ATP9A: variants seen among roughly 807,000 people sequenced by gnomAD.
The protein encoded by ATP9A is probable phospholipid-transporting ATPase IIA.
Under a neutral mutation model 144.1 loss-of-function variants are expected in ATP9A, and 52 were observed. That is an observed-to-expected ratio of 0.36 (90% CI 0.29 to 0.45). The LOEUF is 0.45. Among genes scored for constraint, ATP9A ranks in the 20% least tolerant of loss-of-function variants. ATP9A has a pLI of 1.00. For synonymous variants in ATP9A, 582 were observed against 557.4 expected (o/e 1.04, Z -0.62); for missense variants, 947 against 1,392.7 (o/e 0.68, Z 5.09).
intron 13 of ATP9A, among the ~76,000 whole-genome samples, chr20:51,663,386 A>G (rs1050001304): frequency 6.6e-6 from 1 of 152,134 alleles, no homozygotes; most frequent in African/African-American, 2.4e-5. Flanking sequence ...GCTTGGCCGT[A>G]TGATTTATTT....
intron 4 of ATP9A, among the ~76,000 whole-genome samples, chr20:51,703,489 C>T (rs1010228083): frequency 6.6e-6 from 1 of 152,198 alleles, no homozygotes. Flanking sequence ...TTTCAGCTTT[C>T]GCCACTTCAC....
intron 2 of ATP9A, among the ~76,000 whole-genome samples, chr20:51,728,857 T>C (rs1458932330): frequency 2.0e-5 from 3 of 152,204 alleles, no homozygotes; most frequent in South Asian, 4.1e-4. Flanking sequence ...TACCATTATG[T>C]TCCTTTCTGC....
At chr20:51,760,817 G>T (rs548359468) in intron 1 of ATP9A, among the ~76,000 whole-genome samples, 2 of 151,506 alleles carry the variant, frequency 1.3e-5, no homozygotes, top group East Asian at 3.9e-4. Context: ...AAAGTCAAGA[G>T]ATCAAGACCA....
chr20:51,616,350 GCT>G (rs56977389), intron 22 of ATP9A, among the ~76,000 whole-genome samples: 43,615 of 151,798 alleles, frequency 0.29, 6,441 homozygotes, highest in Non-Finnish European at 0.33. Flanking sequence ...ATGGAGTTTT[GCT>G]CTTTCACCTA....
intron 4 of ATP9A, among the ~76,000 whole-genome samples, chr20:51,701,648 T>C (rs2077593555): frequency 6.6e-6 from 1 of 152,230 alleles, no homozygotes; most frequent in Non-Finnish European, 1.5e-5. Context: ...ACAGGGCTCT[T>C]GCTCCACCTC....
intron 1 of ATP9A, among the ~76,000 whole-genome samples, chr20:51,738,519 C>A (rs1401910447): frequency 1.3e-5 from 2 of 149,520 alleles, no homozygotes; most frequent in East Asian, 2.1e-4. Context: ...GCCTTGCCAA[C>A]GTGGTGAAAC....
At position 51,656,938 on chromosome 20, in the gene ATP9A, C is replaced by G; in HGVS notation, c.1506G>C (p.Glu502Asp). 6.2e-7 allele frequency: 1 copy of G among 1,613,260 alleles called. No individual in the cohort carries two copies. The highest frequency in any genetic ancestry group is 8.5e-7 in the Non-Finnish European group (1 of 1,179,738). ...CCTTGCTGCACCTGCCCAGGTTTAC[C>G]TCATCGGGGCTGGATGCCTGGTATA... ...CRVYQASSPD[E>D]VALVQWTESV... Residue 502 changes from glutamate (E) to aspartate (D), a missense_variant and splice_region_variant, in exon 14 of 28, where the codon GAG (glutamate) becomes GAC (aspartate). Glu to Asp is a conservative substitution (Grantham distance 45, BLOSUM62 2). Coordinates refer to ENST00000338821, the MANE Select transcript of ATP9A (RefSeq NM_006045.3).
chr20:51,685,531 C>T (rs553352454), intron 9 of ATP9A, among the ~76,000 whole-genome samples: 2 of 151,912 alleles, frequency 1.3e-5, no homozygotes, highest in African/African-American at 4.8e-5. Context: ...ACACTGCACT[C>T]CAGCCTGGGA....
At chr20:51,766,020 A>G (rs573174384) in intron 1 of ATP9A, among the ~76,000 whole-genome samples, 1 of 152,288 alleles carries the variant, frequency 6.6e-6, no homozygotes, top group African/African-American at 2.4e-5. Flanking sequence ...CTCCATTCCA[A>G]CGCAACCTAG....
intron 1 of ATP9A, among the ~76,000 whole-genome samples, chr20:51,756,838 G>A (rs1003380594): frequency 2.6e-5 from 4 of 152,112 alleles, no homozygotes; most frequent in Admixed American, 6.6e-5. Flanking sequence ...TCAGAAAGCT[G>A]ACCTCATAGC....
chr20:51,650,913 A>G (rs2077361414), intron 14 of ATP9A, among the ~76,000 whole-genome samples: 1 of 151,590 alleles, frequency 6.6e-6, no homozygotes, highest in South Asian at 2.1e-4. Context: ...ACACACACAC[A>G]CACACACACG....
rs539526623 is a variant in ATP9A at position 51,700,078 on chromosome 20, C to A, written c.437-2596G>T. ...GAGCATCTAGCATCTAATGGCACCT[C>A]ATTTTCATAAAATGTGATGCTAAAC... On this transcript the variant is annotated intron_variant, in intron 4 of 27. Transcript: ENST00000338821. 2.6e-5 allele frequency among the ~76,000 whole-genome samples: 4 copies of A among 152,278 alleles called. No individual in the cohort carries two copies. In the South Asian group the frequency reaches 8.3e-4, roughly 32 times the overall value.
intron 15 of ATP9A, among the ~76,000 whole-genome samples, chr20:51,637,319 A>G (rs1256563084): frequency 6.7e-6 from 1 of 150,080 alleles, no homozygotes; most frequent in African/African-American, 2.4e-5. Context: ...AAAAAAAAAA[A>G]AAAAAAAAAA....
Position 51,613,691 on chromosome 20 carries a change from T to C in ATP9A, c.2557A>G (p.Ile853Val). 1 of 1,614,112 alleles carries C rather than the reference T, an allele frequency of 6.2e-7. No homozygotes were observed. Among genetic ancestry groups the C allele is most frequent in the Non-Finnish European group, 8.5e-7 (1 of 1,179,958 alleles). The change falls in exon 23 of 28, where the codon ATC (isoleucine) becomes GTC (valine). Residue 853 changes from isoleucine to valine, a missense_variant. Around this residue, in one of 2 missense-constraint regions of ATP9A, gnomAD observed 177 missense variants for 344.9 expected, o/e 0.51. Coordinates refer to ENST00000338821, the MANE Select transcript of ATP9A (RefSeq NM_006045.3). The stretch of plus-strand genomic sequence containing the variant: ...TGTCCACTCACCTGCATGGTGCTGA[T>C]ACAGAGGCTCCTGTGAATCACGAAC... ...SQFVIHRSLC[I>V]STMQAVFSSV...
At chr20:51,648,398 CAG>C (rs1313557559) in intron 14 of ATP9A, among the ~76,000 whole-genome samples, 1 of 152,078 alleles carries the variant, frequency 6.6e-6, no homozygotes, top group East Asian at 1.9e-4. Context: ...CAAAGATGTG[CAG>C]AGAGAAGGTG....
At chr20:51,682,839 CG>C (rs915294405) in intron 9 of ATP9A, among the ~76,000 whole-genome samples, 3 of 149,552 alleles carry the variant, frequency 2.0e-5, no homozygotes, top group Non-Finnish European at 4.4e-5. Flanking sequence ...GTGATCCAGC[CG>C]CATTGGCCTC....
intron 14 of ATP9A, among the ~76,000 whole-genome samples, chr20:51,653,898 A>T (rs1490933589): frequency 6.6e-6 from 1 of 152,200 alleles, no homozygotes; most frequent in Non-Finnish European, 1.5e-5. Context: ...AAATACCCAC[A>T]GGTTACTGGT....
chr20:51,634,767 A>G (rs1316739296), intron 15 of ATP9A, among the ~76,000 whole-genome samples: 1 of 148,276 alleles, frequency 6.7e-6, no homozygotes, highest in African/African-American at 2.5e-5. Context: ...GGGTAGGAGA[A>G]TCGCTTGGAC....
intron 13 of ATP9A, among the ~76,000 whole-genome samples, chr20:51,666,181 T>C (rs548713890): frequency 6.6e-6 from 1 of 152,320 alleles, no homozygotes; most frequent in African/African-American, 2.4e-5. Flanking sequence ...GTGGGTCATC[T>C]TGCAAACTCT....
Sources: gnomAD v4.1 joint callset for allele counts (sites outside exome capture counted in the v4.1 genomes callset) on GRCh38, gnomAD v4.1.1 for gene constraint, gnomAD v4.1.1 regional missense constraint, MANE v1.5 for transcripts, NCBI Gene and HGNC (gene_info 2026-07-23, HGNC 2026-07-21) for gene names.